The following MTNR1A variants were observed in gnomAD, a reference collection of about 807,000 sequenced individuals.
The protein encoded by MTNR1A is melatonin receptor 1A.
MTNR1A carries 7 observed loss-of-function variants against 5.5 expected under a neutral mutation model. The ratio of observed to expected loss-of-function variants is 1.28; its 90% CI spans 0.73 to 2.40. The LOEUF is 2.40. Among genes scored for constraint, MTNR1A ranks in the 30% most tolerant of loss-of-function variants. The pLI, the probability that MTNR1A is intolerant of heterozygous loss-of-function variation, is 0.00. For synonymous variants in MTNR1A, 196 were observed against 202.7 expected, an observed-to-expected ratio of 0.97 and a Z score of 0.28; for missense variants, 441 against 464.4, an observed-to-expected ratio of 0.95 and a Z score of 0.46.
At chr4:186,549,768 C>G (rs1035194902) in intron 1 of MTNR1A, among the ~76,000 whole-genome samples, 3 of 152,142 alleles carry the variant, frequency 2.0e-5, no homozygotes, top group Admixed American at 2.0e-4. Flanking sequence ...ACGCTTAGAA[C>G]AGGACCTTGA....
intron 1 of MTNR1A, among the ~76,000 whole-genome samples, chr4:186,549,790 C>T (rs1322854594): frequency 2.0e-5 from 3 of 152,124 alleles, no homozygotes; most frequent in South Asian, 2.1e-4. Context: ...TTTTGACAAA[C>T]CTGCAAAAAT....
chr4:186,548,435 A>C (rs1737200397), intron 1 of MTNR1A, among the ~76,000 whole-genome samples: 1 of 152,170 alleles, frequency 6.6e-6, no homozygotes, highest in Non-Finnish European at 1.5e-5. Flanking sequence ...GTATTTAAAG[A>C]CCTGTAAGTG....
At chr4:186,543,201 T>C (rs139830454) in intron 1 of MTNR1A, among the ~76,000 whole-genome samples, 1 of 152,330 alleles carries the variant, frequency 6.6e-6, no homozygotes, top group African/African-American at 2.4e-5. Context: ...GCTTACCGTG[T>C]TTAGTCCTGA....
At chr4:186,540,367 C>T (rs1364942427) in intron 1 of MTNR1A, among the ~76,000 whole-genome samples, 2 of 152,172 alleles carry the variant, frequency 1.3e-5, no homozygotes, top group East Asian at 3.8e-4. Context: ...ATTTTCAATC[C>T]ATGATTGGTT....
intron 1 of MTNR1A, among the ~76,000 whole-genome samples, chr4:186,547,810 T>A (rs1737189716): frequency 6.6e-6 from 1 of 152,238 alleles, no homozygotes; most frequent in African/African-American, 2.4e-5. Flanking sequence ...CTGAGGTGTC[T>A]TTAAGAAATC....
At chr4:186,547,792 A>G (rs11728777) in intron 1 of MTNR1A, among the ~76,000 whole-genome samples, 73,430 of 152,062 alleles carry the variant, frequency 0.48, 18,976 homozygotes, top group Non-Finnish European at 0.58. Context: ...ACGAGAGACC[A>G]AAGGCACCTG....
intron 1 of MTNR1A, among the ~76,000 whole-genome samples, chr4:186,542,419 C>T (rs1413043671): frequency 6.6e-6 from 1 of 152,130 alleles, no homozygotes; most frequent in Non-Finnish European, 1.5e-5. Flanking sequence ...TAAGGAATTC[C>T]TCTGACAGCA....
At chr4:186,553,672 C>A (rs542896561) in intron 1 of MTNR1A, among the ~76,000 whole-genome samples, 38 of 152,272 alleles carry the variant, frequency 2.5e-4, no homozygotes, top group Middle Eastern at 3.4e-3. Context: ...CCACCACATC[C>A]AGCTAATTTT....
chr4:186,546,827 ACACACCGTCCACACCACACCCTGTTCG>A lies in MTNR1A; in HGVS notation c.184+8328_184+8354del, dbSNP rs1291523665. 3.4e-4 allele frequency among the ~76,000 whole-genome samples: 51 copies of A among 149,712 alleles called. 1 individual carries two copies. The highest frequency in any genetic ancestry group is 1.1e-3 in the African/African-American group (43 of 39,810). ...GTCCACACCACACCCTGTTCGTGGG[ACACACCGTCCACACCACACCCTGTTCG>A]TGGGACACACCGTCCACACCACACC... On this transcript the variant is annotated intron_variant, in intron 1 of 1. Coordinates refer to ENST00000307161, the MANE Select transcript of MTNR1A (RefSeq NM_005958.4).
chr4:186,535,479 T>C (rs1273486289), intron 1 of MTNR1A, among the ~76,000 whole-genome samples: 1 of 152,158 alleles, frequency 6.6e-6, no homozygotes, highest in African/African-American at 2.4e-5. Context: ...TGGTCCGACC[T>C]TGGCTCACTG....
At chr4:186,550,823 A>G (rs1206363189) in intron 1 of MTNR1A, among the ~76,000 whole-genome samples, 1 of 152,244 alleles carries the variant, frequency 6.6e-6, no homozygotes, top group African/African-American at 2.4e-5. Flanking sequence ...GAGAGTCTGA[A>G]ACTACTGTCA....
At chr4:186,540,750 G>A (rs969138325) in intron 1 of MTNR1A, among the ~76,000 whole-genome samples, 1 of 151,462 alleles carries the variant, frequency 6.6e-6, no homozygotes, top group South Asian at 2.1e-4. Flanking sequence ...ACCAGGTGCT[G>A]TCTGTCTGAA....
intron 1 of MTNR1A, among the ~76,000 whole-genome samples, chr4:186,545,395 C>T (rs1479312694): frequency 1.3e-5 from 2 of 152,188 alleles, no homozygotes; most frequent in African/African-American, 2.4e-5. Context: ...CACACACATT[C>T]GCACAGCCGT....
chr4:186,544,502 GAA>G (rs1417244934), intron 1 of MTNR1A, among the ~76,000 whole-genome samples: 1 of 152,176 alleles, frequency 6.6e-6, no homozygotes, highest in African/African-American at 2.4e-5. Context: ...GCATTTGAAT[GAA>G]TACTTCTGCA....
At chr4:186,545,383 AAC>A (rs892262824) in intron 1 of MTNR1A, among the ~76,000 whole-genome samples, 2 of 152,122 alleles carry the variant, frequency 1.3e-5, no homozygotes, top group African/African-American at 4.8e-5. Context: ...GCAACATGAA[AAC>A]ACACACATTC....
intron 1 of MTNR1A, among the ~76,000 whole-genome samples, chr4:186,534,776 C>G (rs1015364722): frequency 1.3e-5 from 2 of 152,160 alleles, no homozygotes; most frequent in Admixed American, 1.3e-4. Context: ...CTCCCCAGAA[C>G]AGGGCCTGTT....
intron 1 of MTNR1A, among the ~76,000 whole-genome samples, chr4:186,544,404 T>C (rs13140012): frequency 1.3e-5 from 2 of 152,106 alleles, no homozygotes; most frequent in Admixed American, 1.3e-4. Context: ...ATCTACAGGA[T>C]CTTCCTATCC....
chr4:186,548,110 C>CA (rs145872634), intron 1 of MTNR1A, among the ~76,000 whole-genome samples: 3,419 of 151,010 alleles, frequency 0.023, 113 homozygotes, highest in African/African-American at 0.078. Flanking sequence ...AACAGGCAAT[C>CA]AAAAAAAAAC....
In MTNR1A at chr4:186,534,601, A is replaced by G. The variant is rs756266580; in HGVS notation, c.185-44T>C. On this transcript the variant is annotated intron_variant, in intron 1 of 1. Coordinates refer to ENST00000307161, the MANE Select transcript of MTNR1A (RefSeq NM_005958.4). ...GAAAATACAGTGAATACCAGTTCAC[A>G]GTGGGTTTTCTGTTACAATTGTTAA... 3.1e-6 allele frequency: 5 copies of G among 1,595,404 alleles called. No homozygotes were observed. The South Asian group carries it at 5.5e-5, about 18-fold the overall frequency.
Sources: allele counts gnomAD v4.1 joint callset (sites outside exome capture counted in the v4.1 genomes callset), GRCh38; gene constraint gnomAD v4.1.1; transcripts MANE v1.5; gene names NCBI Gene and HGNC (gene_info 2026-07-23, HGNC 2026-07-21).